Variants in SPIRE2 observed in about 807,000 individuals in gnomAD.
SPIRE2 encodes the protein protein spire homolog 2.
In SPIRE2, 76 loss-of-function variants were observed where a neutral mutation model predicts 80.7. That is an observed-to-expected ratio of 0.94 (90% CI 0.78 to 1.14). The LOEUF (loss-of-function observed/expected upper bound fraction) is 1.14, where lower values mean the gene tolerates loss of function less well. SPIRE2 is among the 50% of genes most tolerant of loss of function. SPIRE2 has a pLI of 0.00. For synonymous variants in SPIRE2, 535 were observed against 432.6 expected, an observed-to-expected ratio of 1.24 and a Z score of -2.94; for missense variants, 1,196 against 1,015.3, an observed-to-expected ratio of 1.18 and a Z score of -2.42.
At chr16:89,869,053 AATATATAT>A (rs1555601129) in intron 13 of SPIRE2, among the ~76,000 whole-genome samples, 1 of 24,036 alleles carries the variant, frequency 4.2e-5, no homozygotes, top group East Asian at 3.1e-3. Flanking sequence ...AAAAAAAAAA[AATATATAT>A]ATATATATAT....
Position 89,850,562 on chromosome 16 carries a change from CG to C in SPIRE2, c.551del (p.Gly184AlafsTer74). 1 of 1,514,066 alleles carries C rather than the reference CG, an allele frequency of 6.6e-7. No individual in the cohort carries two copies. 93.8% of individuals were successfully genotyped at this position (1,514,066 alleles called of 1,614,324 possible). ...GTGCGCGGCGCGGCTGACCGACCCCCGGGGCGCACAGGCGCATTACCAGGCC... is the reference window on the plus strand; with the variant it reads ...GTGCGCGGCGCGGCTGACCGACCCCCGGGCGCACAGGCGCATTACCAGGCC... ...RLCAARLTDP[R>X]GAQAHYQAVC... On this transcript the variant is annotated frameshift_variant, in exon 3 of 15. Coordinates refer to ENST00000378247, the MANE Select transcript of SPIRE2 (RefSeq NM_032451.2). LOFTEE classifies it high-confidence loss of function.
At chr16:89,844,563 C>T (rs1265757996) in intron 1 of SPIRE2, among the ~76,000 whole-genome samples, 3 of 151,770 alleles carry the variant, frequency 2.0e-5, no homozygotes, top group Admixed American at 6.6e-5. Context: ...ATCACCCTCC[C>T]GAGTAGCTGG....
chr16:89,832,699 G>A (rs2041398025), intron 1 of SPIRE2, among the ~76,000 whole-genome samples: 1 of 152,156 alleles, frequency 6.6e-6, no homozygotes, highest in Non-Finnish European at 1.5e-5. Context: ...GTGTGGAGAT[G>A]AGGCCAGGTG....
intron 1 of SPIRE2, among the ~76,000 whole-genome samples, chr16:89,840,636 A>AT (rs10708235): frequency 2.0e-3 from 228 of 116,866 alleles, no homozygotes; most frequent in East Asian, 5.0e-3. Context: ...AAGTTTTCAA[A>AT]TTTTTTTTTT....
At chr16:89,831,547 G>A (rs572519047) in intron 1 of SPIRE2, among the ~76,000 whole-genome samples, 2 of 150,114 alleles carry the variant, frequency 1.3e-5, no homozygotes, top group South Asian at 2.1e-4. Flanking sequence ...ACATGCGCCC[G>A]CCACCACGCC....
chr16:89,837,250 C>G (rs914481199), intron 1 of SPIRE2, among the ~76,000 whole-genome samples: 1 of 152,134 alleles, frequency 6.6e-6, no homozygotes, highest in African/African-American at 2.4e-5. Flanking sequence ...CCCTGGTCTG[C>G]TGCTGCAGGA....
At chr16:89,831,879 G>A (rs1352948168) in intron 1 of SPIRE2, among the ~76,000 whole-genome samples, 5 of 143,490 alleles carry the variant, frequency 3.5e-5, no homozygotes, top group Non-Finnish European at 8.1e-5. Context: ...TCGCAGCCCC[G>A]CGCACTCCCA....
intron 1 of SPIRE2, chr16:89,836,124 G>A (rs1277236934): frequency 1.1e-5 from 5 of 446,146 alleles, no homozygotes; most frequent in Non-Finnish European, 2.3e-5. Flanking sequence ...GTAGTGAGTC[G>A]AGATTGCGCC....
At position 89,863,905 on chromosome 16, in the gene SPIRE2, G is replaced by A. The variant is rs1410484938; in HGVS notation, c.1778+44G>A. On this transcript the variant is annotated intron_variant, in intron 12 of 14. Transcript: ENST00000378247. The surrounding 1 kb of genome is among the most constrained non-coding windows in gnomAD (Gnocchi z 4.3). The stretch of plus-strand genomic sequence containing the variant: ...TGTCAGTTCACAAGGGAAGGAGGAG[G>A]CGAGAAACCTCGGGGCAGTACCGCC... The A allele has an allele frequency of 2.0e-6, 3 of 1,515,530 alleles. No homozygotes were observed. The highest frequency in any genetic ancestry group is 2.7e-6 in the Non-Finnish European group (3 of 1,098,640). 93.9% of individuals were successfully genotyped at this position (1,515,530 alleles called of 1,614,324 possible).
intron 1 of SPIRE2, among the ~76,000 whole-genome samples, chr16:89,831,072 G>A (rs1435145960): frequency 6.6e-6 from 1 of 150,462 alleles, no homozygotes; most frequent in South Asian, 2.1e-4. Context: ...ACCACGCCCG[G>A]CTAATTTTTT....
In SPIRE2 at chr16:89,856,221, G is replaced by A; in HGVS notation, c.1087G>A (p.Gly363Ser). The change falls in exon 7 of 15, where the codon GGC becomes AGC. Residue 363 changes from glycine to serine, a missense_variant. By Grantham distance (56) the Gly-to-Ser change is moderately conservative. Coordinates refer to ENST00000378247, the MANE Select transcript of SPIRE2 (RefSeq NM_032451.2). ...GAGGCTGCGCCCGGTGCGGGGCGAG[G>A]GCTGGGCTGCCCGCGGTGAGTGAGG... The part of the protein sequence containing the change: ...ERRLRPVRGE[G>S]WAARGFGSLP... 6.3e-7 allele frequency: 1 copy of A among 1,582,854 alleles called. No individual in the cohort carries two copies. Among genetic ancestry groups the A allele is most frequent in the Non-Finnish European group, 8.6e-7 (1 of 1,165,736 alleles).
intron 1 of SPIRE2, among the ~76,000 whole-genome samples, chr16:89,844,910 C>G (rs1464990433): frequency 1.3e-5 from 2 of 152,194 alleles, no homozygotes; most frequent in Admixed American, 6.5e-5. Flanking sequence ...CTCCTTCACT[C>G]TTACTCCCAG....
chr16:89,868,265 C>T, intron 13 of SPIRE2, 49 bp downstream of exon 13: 1 of 1,591,686 alleles, frequency 6.3e-7, no homozygotes, highest in African/African-American at 1.3e-5. Flanking sequence ...AGATGAGGGG[C>T]TCCACTGGCT....
intron 1 of SPIRE2, among the ~76,000 whole-genome samples, chr16:89,837,500 A>C (rs1015037391): frequency 3.9e-5 from 6 of 152,146 alleles, no homozygotes; most frequent in Non-Finnish European, 8.8e-5. Context: ...GTAGGATCTG[A>C]CGCTGTCACC....
chr16:89,829,019 G>A (rs578183578), intron 1 of SPIRE2, among the ~76,000 whole-genome samples: 2 of 152,100 alleles, frequency 1.3e-5, no homozygotes, highest in Non-Finnish European at 2.9e-5. Context: ...GGCCCTGGAC[G>A]TTCCCCTCCC....
At chr16:89,868,145 G>A (rs1180036130) in intron 12 of SPIRE2, 44 bp from the exon 13 acceptor site, 1 of 1,613,094 alleles carries the variant, frequency 6.2e-7, no homozygotes. Flanking sequence ...GCTGTTTGTG[G>A]GCTTCCTCCC....
In SPIRE2 at chr16:89,850,423, C is replaced by T; in HGVS notation, c.408C>T (p.Asp136=). ...TCATCGACCTCATGGCCAACAACGA[C>T]AGCGAGGACAGCGGCTGCGGTGCCG... ...ERLIDLMANN[D]SEDSGCGAAD... Residue 136 remains aspartate, a synonymous_variant, in exon 3 of 15, where the codon GAC becomes GAT. Coordinates refer to ENST00000378247, the MANE Select transcript of SPIRE2 (RefSeq NM_032451.2). 1.9e-6 allele frequency: 3 copies of T among 1,583,922 alleles called. No homozygotes were observed. The highest frequency in any genetic ancestry group is 1.7e-6 in the Non-Finnish European group (2 of 1,166,812).
intron 1 of SPIRE2, among the ~76,000 whole-genome samples, chr16:89,842,747 T>G (rs1478529384): frequency 6.6e-6 from 1 of 152,104 alleles, no homozygotes; most frequent in Non-Finnish European, 1.5e-5. Context: ...TCTTCCACCT[T>G]CCCATGGCCT....
At chr16:89,867,707 C>T (rs1230304685) in intron 12 of SPIRE2, among the ~76,000 whole-genome samples, 2 of 152,050 alleles carry the variant, frequency 1.3e-5, no homozygotes, top group Non-Finnish European at 2.9e-5. Flanking sequence ...ATCTCAGCCC[C>T]CCAAGTAGCT....
Sources: gnomAD v4.1 joint callset for allele counts (sites outside exome capture counted in the v4.1 genomes callset) on GRCh38, gnomAD v4.1.1 for gene constraint, Gnocchi (gnomAD v3.1) non-coding constraint, MANE v1.5 for transcripts, NCBI Gene and HGNC (gene_info 2026-07-23, HGNC 2026-07-21) for gene names.